The following INSL6 variants were observed in gnomAD, a reference collection of about 807,000 sequenced individuals.
The protein encoded by INSL6 is insulin-like peptide INSL6.
In INSL6, 16 loss-of-function variants were observed where a neutral mutation model predicts 9.4. The observed-to-expected ratio is 1.70, with a 90% CI of 1.15 to 2.59. The LOEUF is 2.59. Ranked by LOEUF, INSL6 falls within the 30% of genes most tolerant of loss-of-function variation. INSL6 has a pLI of 0.00. For missense variants in INSL6, 391 were observed against 257.3 expected (o/e 1.52, Z -3.56); for synonymous variants, 154 against 96.9 (o/e 1.59, Z -3.46).
chr9:5,016,141 C>CA, the INSL6 span, among the ~76,000 whole-genome samples: 1 of 152,192 alleles, frequency 6.6e-6, no homozygotes, highest in Non-Finnish European at 1.5e-5. Flanking sequence ...AACCTCCCGC[C>CA]AAACGCTGCC....
the INSL6 span, among the ~76,000 whole-genome samples, chr9:5,061,407 T>C: frequency 1.3e-5 from 2 of 152,364 alleles, no homozygotes; most frequent in South Asian, 4.1e-4. Context: ...TGGTCCTTAC[T>C]AGATCTTCTG....
At chr9:5,157,986 AT>A (rs1365816194) in intron 2 of INSL6, among the ~76,000 whole-genome samples, 6 of 152,224 alleles carry the variant, frequency 3.9e-5, no homozygotes, top group Admixed American at 3.9e-4. Flanking sequence ...TAACAAATAA[AT>A]TTAACAAAGA....
In INSL6 at chr9:5,172,027, C is replaced by G. The variant is rs183916697; in HGVS notation, c.290-7762G>C. On this transcript the variant is annotated intron_variant, in intron 1 of 1. Coordinates refer to ENST00000381641, the MANE Select transcript of INSL6 (RefSeq NM_007179.3). ...ACCAAAAGAGCTCAAACAGCCAAGACAATCCTAAGCAAAAAGAACAAAGCT... is the reference window on the plus strand; with the variant it reads ...ACCAAAAGAGCTCAAACAGCCAAGAGAATCCTAAGCAAAAAGAACAAAGCT... Among the ~76,000 whole-genome samples the G allele has an allele frequency of 6.6e-5, 10 of 152,266 alleles. No individual in the cohort carries two copies. The East Asian group carries it at 1.7e-3, about 26-fold the overall frequency.
At chr9:5,163,857 AT>A (rs566709471), downstream of INSL6, 525 of 1,129,624 alleles carry the variant, frequency 4.6e-4, 1 homozygote, top group African/African-American at 7.6e-3. Context: ...ACAAAAAAAA[AT>A]AGAGTTAAAT....
Position 5,134,888 on chromosome 9 carries a change from C to A in INSL6, c.377-1296G>T, listed in dbSNP as rs148469759. 4.7e-3 allele frequency among the ~76,000 whole-genome samples: 709 copies of A among 152,244 alleles called. 9 individuals carry two copies. The highest frequency in any genetic ancestry group is 0.016 in the African/African-American group (675 of 41,552). ...AAACACCTCAATTAAAAGACACACA[C>A]TGGCAAATTGGATAGAGTCAAGACC... On this transcript the variant is annotated intron_variant, in intron 2 of 3. Transcript: ENST00000649639.
chr9:5,178,371 A>C (rs1380402274), intron 1 of INSL6, among the ~76,000 whole-genome samples: 1 of 152,238 alleles, frequency 6.6e-6, no homozygotes, highest in African/African-American at 2.4e-5. Flanking sequence ...TTGGCATGAG[A>C]AAGGGTTCCC....
At chr9:5,157,356 C>T (rs1824835810) in intron 2 of INSL6, among the ~76,000 whole-genome samples, 1 of 151,992 alleles carries the variant, frequency 6.6e-6, no homozygotes, top group Non-Finnish European at 1.5e-5. Flanking sequence ...ATGTAATATA[C>T]ATCTATAGTA....
chr9:5,050,047 A>G, the INSL6 span, among the ~76,000 whole-genome samples: 1 of 152,250 alleles, frequency 6.6e-6, no homozygotes. Flanking sequence ...ATCCAACACC[A>G]CTTGTAGTAT....
chr9:5,087,290 A>T, the INSL6 span, among the ~76,000 whole-genome samples: 1 of 152,222 alleles, frequency 6.6e-6, no homozygotes, highest in Non-Finnish European at 1.5e-5. Context: ...AATGAGTGCC[A>T]GCAGGAGAAA....
the INSL6 span, chr9:5,077,573 A>AT: frequency 6.7e-7 from 1 of 1,483,056 alleles, no homozygotes; most frequent in Non-Finnish European, 8.9e-7. Context: ...TGGGCCATGC[A>AT]TTTTCTAGTA....
At chr9:5,182,799 C>G (rs1372349651) in intron 1 of INSL6, among the ~76,000 whole-genome samples, 1 of 151,968 alleles carries the variant, frequency 6.6e-6, no homozygotes, top group Non-Finnish European at 1.5e-5. Context: ...AATACTCAGT[C>G]GTAATTTAGA....
chr9:5,135,663 G>C (rs1824375484), intron 2 of INSL6, among the ~76,000 whole-genome samples: 1 of 152,124 alleles, frequency 6.6e-6, no homozygotes, highest in African/African-American at 2.4e-5. Context: ...GCCCACAAGA[G>C]AAAGCAGGAA....
chr9:5,183,190 C>T (rs1272433553), intron 1 of INSL6, among the ~76,000 whole-genome samples: 1 of 152,122 alleles, frequency 6.6e-6, no homozygotes, highest in African/African-American at 2.4e-5. Context: ...ATTAACAGGA[C>T]AGAATAAATG....
chr9:5,102,102 G>C, the INSL6 span, among the ~76,000 whole-genome samples: 1 of 152,090 alleles, frequency 6.6e-6, no homozygotes, highest in Non-Finnish European at 1.5e-5. Context: ...CAAGCTAAAG[G>C]AGGATGTTCA....
the INSL6 span, among the ~76,000 whole-genome samples, chr9:5,025,855 GT>G: frequency 1.3e-5 from 2 of 152,144 alleles, no homozygotes; most frequent in African/African-American, 2.4e-5. Context: ...TTCTGTTGAA[GT>G]TTTAAATTAA....
At chr9:5,136,189 G>C (rs898777430) in intron 2 of INSL6, among the ~76,000 whole-genome samples, 1 of 152,158 alleles carries the variant, frequency 6.6e-6, no homozygotes, top group Non-Finnish European at 1.5e-5. Context: ...TTCTACCAGA[G>C]ATGCAAAGAG....
At chr9:5,129,256 C>T (rs1824191398) in intron 3 of INSL6, among the ~76,000 whole-genome samples, 1 of 152,122 alleles carries the variant, frequency 6.6e-6, no homozygotes, top group Admixed American at 6.5e-5. Flanking sequence ...GCATGCTCCC[C>T]CTAAATTGAA....
chr9:5,039,246 A>T, the INSL6 span, among the ~76,000 whole-genome samples: 4 of 152,146 alleles, frequency 2.6e-5, no homozygotes, highest in African/African-American at 9.7e-5. Context: ...CATGGGTTTC[A>T]CATCCATGGA....
intron 2 of INSL6, among the ~76,000 whole-genome samples, chr9:5,143,349 A>G (rs1280631846): frequency 6.6e-6 from 1 of 151,754 alleles, no homozygotes; most frequent in East Asian, 1.9e-4. Flanking sequence ...CAGGCTCTTA[A>G]TGCTTCAACT....
Sources: allele counts gnomAD v4.1 joint callset (sites outside exome capture counted in the v4.1 genomes callset), GRCh38; gene constraint gnomAD v4.1.1; transcripts MANE v1.5; gene names NCBI Gene and HGNC (gene_info 2026-07-23, HGNC 2026-07-21).